BRI3BP: variants seen among roughly 807,000 people sequenced by gnomAD.
BRI3BP encodes the protein BRI3 binding protein.
BRI3BP carries 7 observed loss-of-function variants against 15.8 expected under a neutral mutation model. That is an observed-to-expected ratio of 0.44 (90% CI 0.25 to 0.83). The LOEUF is 0.83. BRI3BP is among the 40% of genes least tolerant of loss of function. The pLI is 0.20. For synonymous variants in BRI3BP, 192 were observed against 163.5 expected (o/e 1.17, Z -1.33); for missense variants, 320 against 339.3 (o/e 0.94, Z 0.45).
intron 1 of BRI3BP, among the ~76,000 whole-genome samples, chr12:125,008,056 G>T (rs1349428522): frequency 1.3e-5 from 2 of 152,102 alleles, no homozygotes; most frequent in South Asian, 2.1e-4. Context: ...CTGAGGCAGT[G>T]GATCTGGATG....
downstream of BRI3BP, among the ~76,000 whole-genome samples, chr12:125,034,810 G>A (rs919807437): frequency 5.3e-5 from 8 of 151,944 alleles, no homozygotes; most frequent in East Asian, 1.9e-4. Flanking sequence ...GACTAGTCTC[G>A]AACTCCTGAC....
chr12:125,046,687 G>C, the BRI3BP span, among the ~76,000 whole-genome samples: 2 of 152,208 alleles, frequency 1.3e-5, no homozygotes, highest in African/African-American at 4.8e-5. Context: ...TTCATTTCTA[G>C]AGTTATATGC....
intron 1 of BRI3BP, among the ~76,000 whole-genome samples, chr12:125,003,182 C>T (rs1012323387): frequency 6.6e-6 from 1 of 152,140 alleles, no homozygotes; most frequent in African/African-American, 2.4e-5. Context: ...CCATAGGACC[C>T]GTTTGCATGT....
downstream of BRI3BP, among the ~76,000 whole-genome samples, chr12:125,032,768 T>C (rs1955416206): frequency 2.0e-5 from 3 of 152,206 alleles, no homozygotes; most frequent in Non-Finnish European, 4.4e-5. Flanking sequence ...AGTGAGATCC[T>C]ATCTCAAAAT....
rs537107426 is a variant in BRI3BP at position 125,012,166 on chromosome 12, AGTGAGACCCT to A, written c.214-365_214-356del. Among the ~76,000 whole-genome samples, 439 of 152,308 alleles carry A rather than the reference AGTGAGACCCT, an allele frequency of 2.9e-3. 1 individual carries two copies. The highest frequency in any genetic ancestry group is 4.8e-3 in the Non-Finnish European group (324 of 68,026). On this transcript the variant is annotated intron_variant, in intron 1 of 2. Transcript: ENST00000341446. The stretch of plus-strand genomic sequence containing the variant: ...ACCACTGCACTCCAGCCTGGTCAAC[AGTGAGACCCT>A]GTCTCTTTAGAGAAATCAGGCAGAG...
chr12:125,010,560 C>G (rs1368573132), intron 1 of BRI3BP, among the ~76,000 whole-genome samples: 1 of 152,104 alleles, frequency 6.6e-6, no homozygotes, highest in African/African-American at 2.4e-5. Context: ...GGGTGGATCA[C>G]AAGGTGAAGA....
chr12:125,033,248 T>C (rs1955419485), downstream of BRI3BP, among the ~76,000 whole-genome samples: 1 of 152,086 alleles, frequency 6.6e-6, no homozygotes, highest in Non-Finnish European at 1.5e-5. Context: ...AGATTTGGGC[T>C]GGGTGTAGTG....
At chr12:125,016,830 T>G (rs1215951300) in intron 2 of BRI3BP, among the ~76,000 whole-genome samples, 3 of 90,642 alleles carry the variant, frequency 3.3e-5, no homozygotes, top group African/African-American at 1.2e-4. Context: ...CCAGCCTTTT[T>G]TTTTTTTTTT....
downstream of BRI3BP, among the ~76,000 whole-genome samples, chr12:125,034,714 C>T (rs1369662104): frequency 5.9e-5 from 9 of 152,226 alleles, 1 homozygote; most frequent in East Asian, 1.7e-3. Flanking sequence ...CTCAGCCTCC[C>T]AAGTAGCTGG....
At chr12:125,049,373 A>G in the BRI3BP span, among the ~76,000 whole-genome samples, 1 of 152,078 alleles carries the variant, frequency 6.6e-6, no homozygotes, top group Admixed American at 6.6e-5. Flanking sequence ...GTTCCCTCCT[A>G]TTCCCCAGCG....
intron 1 of BRI3BP, among the ~76,000 whole-genome samples, chr12:125,005,220 G>T (rs965191042): frequency 1.3e-5 from 2 of 152,144 alleles, no homozygotes; most frequent in Non-Finnish European, 2.9e-5. Flanking sequence ...CTGGGTGATG[G>T]GTTTTGGGGA....
Position 125,027,700 on chromosome 12 carries a change from T to A in BRI3BP, c.*2270T>A, listed in dbSNP as rs1230522881. The A allele has an allele frequency of 1.3e-5, 2 of 152,166 alleles. No homozygotes were observed. The highest frequency in any genetic ancestry group is 1.3e-4 in the Admixed American group (2 of 15,276). The allele number at this position is 152,166 out of a possible 1,614,324, so 9.4% of individuals were successfully genotyped here. ...AAATTATTTGCTGGATCGAATCTTT[T>A]TTTTTTTGAGATGGAGTCTCACTGT... On this transcript the variant is annotated 3_prime_UTR_variant, in exon 3 of 3. Coordinates refer to ENST00000341446, the MANE Select transcript of BRI3BP (RefSeq NM_080626.6).
the BRI3BP span, among the ~76,000 whole-genome samples, chr12:125,036,345 G>A: frequency 2.0e-5 from 3 of 151,356 alleles, no homozygotes; most frequent in African/African-American, 7.3e-5. Flanking sequence ...TTACAGGCAT[G>A]AGCCACCGCA....
chr12:125,041,213 T>A, the BRI3BP span, among the ~76,000 whole-genome samples: 1 of 151,730 alleles, frequency 6.6e-6, no homozygotes, highest in Non-Finnish European at 1.5e-5. Flanking sequence ...GCCTGGCTAA[T>A]TTGTGTGTGT....
At chr12:125,008,106 A>ATGC (rs35028449) in intron 1 of BRI3BP, among the ~76,000 whole-genome samples, 50,180 of 151,268 alleles carry the variant, frequency 0.33, 9,996 homozygotes, top group Non-Finnish European at 0.44. Flanking sequence ...CTCCTGGGTG[A>ATGC]TGCTGCTGCT....
chr12:125,042,398 T>C, the BRI3BP span, among the ~76,000 whole-genome samples: 1 of 152,194 alleles, frequency 6.6e-6, no homozygotes. Context: ...TTATGCAAGT[T>C]GTTGGACTTA....
downstream of BRI3BP, among the ~76,000 whole-genome samples, chr12:125,033,607 A>C (rs1010489346): frequency 1.3e-5 from 2 of 151,930 alleles, no homozygotes; most frequent in African/African-American, 4.8e-5. Context: ...ACTGTGACTT[A>C]TGTTTCTTTT....
intron 1 of BRI3BP, among the ~76,000 whole-genome samples, chr12:124,997,809 C>T (rs1191688615): frequency 1.3e-5 from 2 of 151,520 alleles, no homozygotes; most frequent in South Asian, 2.1e-4. Context: ...GTCAACATGG[C>T]GAAACCCTGT....
chr12:125,011,325 A>G (rs929796628), intron 1 of BRI3BP, among the ~76,000 whole-genome samples: 18 of 152,148 alleles, frequency 1.2e-4, no homozygotes, highest in Admixed American at 2.6e-4. Context: ...ATCAAGTTCA[A>G]GTTAATCCCC....
Sources: allele counts gnomAD v4.1 joint callset (sites outside exome capture counted in the v4.1 genomes callset), GRCh38; gene constraint gnomAD v4.1.1; transcripts MANE v1.5; gene names NCBI Gene and HGNC (gene_info 2026-07-23, HGNC 2026-07-21).